Variants in UTRN observed in about 807,000 individuals in gnomAD.
UTRN encodes dystrophin-related protein 1.
In UTRN, 283 loss-of-function variants were observed where a neutral mutation model predicts 463.9. The ratio of observed to expected loss-of-function variants is 0.61; its 90% confidence interval spans 0.55 to 0.67. The LOEUF (loss-of-function observed/expected upper bound fraction) is 0.67, where lower values mean the gene tolerates loss of function less well. Among genes scored for constraint, UTRN ranks in the 30% least tolerant of loss-of-function variants. UTRN has a pLI of 0.00. For missense variants in UTRN, 3,922 were observed against 4,084.3 expected, an observed-to-expected ratio of 0.96 and a Z score of 1.08; for synonymous variants, 1,442 against 1,431.5, an observed-to-expected ratio of 1.01 and a Z score of -0.17.
At chr6:144,781,888 T>C (rs1775864166) in intron 60 of UTRN, 34 bp from the exon 61 acceptor site, 1 of 1,527,960 alleles carries the variant, frequency 6.5e-7, no homozygotes. Context: ...TGTAATGTAA[T>C]GACTGTAAAC....
chr6:144,514,779 AG>A lies in UTRN; in HGVS notation c.5205del (p.Asn1736ThrfsTer15), dbSNP rs1158394933. 6.2e-7 allele frequency: 1 copy of A among 1,614,024 alleles called. No individual in the cohort carries two copies. The highest frequency in any genetic ancestry group is 1.3e-5 in the African/African-American group (1 of 74,944). On this transcript the variant is annotated frameshift_variant, in exon 37 of 75. Transcript: ENST00000367545. LOFTEE classifies it high-confidence loss of function. ...AGAACCAAAGTTAGCTGAGCTGAAT[AG>A]GAACTTTGAAAAGGTGTCTCAACAT... ...LVEPKLAELN[R>X]NFEKVSQHIK... is the part of the protein sequence containing the mutation.
chr6:144,388,392 A>G lies in UTRN; in HGVS notation c.80-14731A>G, dbSNP rs576050914. ...CAGTGGCACAACCATAGCTTACTCCAGCCTCAAACTCCTGGGTTCAAGCGA... is the reference window on the plus strand; with the variant it reads ...CAGTGGCACAACCATAGCTTACTCCGGCCTCAAACTCCTGGGTTCAAGCGA... On this transcript the variant is annotated intron_variant, in intron 2 of 74. Transcript: ENST00000367545. 1.7e-3 allele frequency among the ~76,000 whole-genome samples: 257 copies of G among 152,044 alleles called. 1 individual carries two copies. The highest frequency in any genetic ancestry group is 6.1e-3 in the African/African-American group (252 of 41,460).
chr6:144,442,384 G>A (rs1330755138), intron 13 of UTRN, among the ~76,000 whole-genome samples: 13 of 152,132 alleles, frequency 8.5e-5, no homozygotes, highest in Admixed American at 1.3e-4. Flanking sequence ...GCCTGTTACC[G>A]AGTTCCAAAG....
intron 51 of UTRN, among the ~76,000 whole-genome samples, chr6:144,602,607 A>G (rs1804375788): frequency 6.6e-6 from 1 of 152,234 alleles, no homozygotes; most frequent in Non-Finnish European, 1.5e-5. Context: ...GATGTCTGTC[A>G]TAGTGGTGGG....
Position 144,827,402 on chromosome 6 carries a change from C to T in UTRN, c.9533+16C>T. The T allele has an allele frequency of 6.2e-7, 1 of 1,613,280 alleles. No individual in the cohort carries two copies. The highest frequency in any genetic ancestry group is 8.5e-7 in the Non-Finnish European group (1 of 1,179,570). Reference sequence around the variant, plus strand: ...AGCACTATGAGTGAGTATTCATAGCCCACGTGCAGGAGAGGTGTTCTGATC... The same window carrying T: ...AGCACTATGAGTGAGTATTCATAGCTCACGTGCAGGAGAGGTGTTCTGATC... On this transcript the variant is annotated intron_variant, in intron 67 of 74. Coordinates refer to ENST00000367545, the MANE Select transcript of UTRN (RefSeq NM_007124.3).
At chr6:144,773,067 G>A (rs551129469) in intron 59 of UTRN, among the ~76,000 whole-genome samples, 1 of 152,140 alleles carries the variant, frequency 6.6e-6, no homozygotes, top group South Asian at 2.1e-4. Flanking sequence ...AAATGAGGGG[G>A]CAAATTTTGA....
At chr6:144,766,835 A>G (rs1336013871) in intron 58 of UTRN, among the ~76,000 whole-genome samples, 3 of 152,052 alleles carry the variant, frequency 2.0e-5, no homozygotes, top group Non-Finnish European at 4.4e-5. Context: ...AAACATTTAT[A>G]TTCTACAAAG....
At chr6:144,496,258 G>A (rs1793635367) in intron 33 of UTRN, among the ~76,000 whole-genome samples, 1 of 152,144 alleles carries the variant, frequency 6.6e-6, no homozygotes. Context: ...TAATATTGAA[G>A]TTTCTATATA....
chr6:144,810,098 G>C (rs1366658933), intron 65 of UTRN, among the ~76,000 whole-genome samples: 1 of 152,106 alleles, frequency 6.6e-6, no homozygotes, highest in Non-Finnish European at 1.5e-5. Context: ...AGCAAGGCCT[G>C]TTTGTTCAGA....
chr6:144,516,487 T>C, intron 38 of UTRN, 100 bp downstream of exon 38: 8 of 1,306,824 alleles, frequency 6.1e-6, no homozygotes, highest in Non-Finnish European at 8.4e-6. Flanking sequence ...CTGTCAAACA[T>C]GATGAAACAG....
intron 23 of UTRN, among the ~76,000 whole-genome samples, chr6:144,466,326 C>A (rs980619035): frequency 6.6e-6 from 1 of 152,156 alleles, no homozygotes; most frequent in African/African-American, 2.4e-5. Context: ...TAGTTGTGTG[C>A]GAATTTCAGT....
intron 51 of UTRN, among the ~76,000 whole-genome samples, chr6:144,578,311 A>T (rs992452469): frequency 6.6e-6 from 1 of 152,152 alleles, no homozygotes; most frequent in African/African-American, 2.4e-5. Flanking sequence ...CAGTTTGACA[A>T]CTATTATTTC....
chr6:144,596,309 T>A (rs1045342507), intron 51 of UTRN, among the ~76,000 whole-genome samples: 1 of 152,194 alleles, frequency 6.6e-6, no homozygotes, highest in Non-Finnish European at 1.5e-5. Context: ...TTATGGTTTT[T>A]CCGAGTTTCA....
At position 144,346,809 on chromosome 6, in the gene UTRN, C is replaced by T. The variant is rs1385368932; in HGVS notation, c.79+54902C>T. 2.0e-5 allele frequency among the ~76,000 whole-genome samples: 3 copies of T among 151,982 alleles called. 1 individual carries two copies. The highest frequency in any genetic ancestry group is 6.8e-3 in the Middle Eastern group (2 of 294). On this transcript the variant is annotated intron_variant, in intron 2 of 74. Coordinates refer to ENST00000367545, the MANE Select transcript of UTRN (RefSeq NM_007124.3). ...CTGCACTTCAGCCCGGGCATCAGGG[C>T]GAGACTCTGTTTAAAAAAAAAATAG... is the stretch of plus-strand genomic sequence containing the variant.
intron 2 of UTRN, among the ~76,000 whole-genome samples, chr6:144,332,514 G>A (rs1366761897): frequency 6.6e-6 from 1 of 152,026 alleles, no homozygotes; most frequent in East Asian, 1.9e-4. Flanking sequence ...CAAGACCTTT[G>A]GGTATTACCT....
chr6:144,477,986 G>A (rs894675533), intron 25 of UTRN, among the ~76,000 whole-genome samples: 1 of 151,858 alleles, frequency 6.6e-6, no homozygotes, highest in South Asian at 2.1e-4. Context: ...TAAATATATG[G>A]GAAATTTAAA....
chr6:144,478,327 T>C (rs1462141120), intron 25 of UTRN, among the ~76,000 whole-genome samples: 3 of 152,240 alleles, frequency 2.0e-5, no homozygotes, highest in African/African-American at 7.2e-5. Context: ...TCTTCATTTC[T>C]TTTTGGATCT....
At chr6:144,668,367 G>C (rs1780643584) in intron 51 of UTRN, among the ~76,000 whole-genome samples, 1 of 152,136 alleles carries the variant, frequency 6.6e-6, no homozygotes, top group Non-Finnish European at 1.5e-5. Context: ...CTTACTAGGA[G>C]TGAATTTTAA....
rs779917274 is a variant in UTRN, at chr6:144,433,626, C to T, written c.856-2309C>T. Among the ~76,000 whole-genome samples the T allele has an allele frequency of 3.5e-3, 482 of 139,580 alleles. 4 individuals are homozygous for T. Among genetic ancestry groups the T allele is most frequent in the African/African-American group, 6.4e-3 (236 of 37,150 alleles). The allele number at this position is 139,580 out of a possible 152,430, so 91.6% of individuals were successfully genotyped here. A position where few individuals can be genotyped will look rare whatever the true frequency, so the allele number is the denominator to read the frequency against. ...GCAGAGGGTCTCCTCACTTCTCAGA[C>T]GGGGCGGCCGGGCAGAGACGCTCCT... On this transcript the variant is annotated intron_variant, in intron 9 of 74. Coordinates refer to ENST00000367545, the MANE Select transcript of UTRN (RefSeq NM_007124.3).
Sources: gnomAD v4.1 joint callset for allele counts (sites outside exome capture counted in the v4.1 genomes callset) on GRCh38, gnomAD v4.1.1 for gene constraint, MANE v1.5 for transcripts, NCBI Gene and HGNC (gene_info 2026-07-23, HGNC 2026-07-21) for gene names.